INPP4B: variants seen among roughly 807,000 people sequenced by gnomAD.
The protein encoded by INPP4B is inositol polyphosphate-4-phosphatase type II B.
A neutral mutation model predicts 122.5 loss-of-function variants in INPP4B; 55 were observed. That is an observed-to-expected ratio of 0.45 (90% CI 0.36 to 0.56). The LOEUF (loss-of-function observed/expected upper bound fraction) is 0.56. INPP4B is among the 20% of genes least tolerant of loss of function. The pLI is 0.00. For missense variants in INPP4B, 1,000 were observed against 1,097.7 expected (o/e 0.91, Z 1.26); for synonymous variants, 403 against 388.7 (o/e 1.04, Z -0.43).
At chr4:142,545,836 TAA>T (rs1580337287) in intron 2 of INPP4B, among the ~76,000 whole-genome samples, 4 of 144,104 alleles carry the variant, frequency 2.8e-5, no homozygotes, top group East Asian at 2.0e-4. Flanking sequence ...TATATATATA[TAA>T]AATGGTCTGT....
chr4:142,799,966 G>T (rs1777797886), intron 1 of INPP4B, among the ~76,000 whole-genome samples: 1 of 151,734 alleles, frequency 6.6e-6, no homozygotes, highest in South Asian at 2.1e-4. Context: ...GCCTCTTTTG[G>T]ATTATTTTCA....
chr4:142,127,282 GACC>G (rs1373437882), intron 18 of INPP4B, among the ~76,000 whole-genome samples: 1 of 151,990 alleles, frequency 6.6e-6, no homozygotes, highest in African/African-American at 2.4e-5. Flanking sequence ...TAACTTAAGT[GACC>G]ACATTTGTTT....
intron 1 of INPP4B, among the ~76,000 whole-genome samples, chr4:142,824,117 A>G (rs1405455736): frequency 6.6e-6 from 1 of 151,668 alleles, no homozygotes; most frequent in Admixed American, 6.6e-5. Flanking sequence ...TCTGGGACTT[A>G]AACCATGGCC....
intron 7 of INPP4B, among the ~76,000 whole-genome samples, chr4:142,325,067 G>C (rs920005197): frequency 6.6e-6 from 1 of 152,140 alleles, no homozygotes; most frequent in Non-Finnish European, 1.5e-5. Flanking sequence ...CCTTGCTCTG[G>C]AAATTTGGTC....
At chr4:142,448,705 C>T (rs1054870901) in intron 3 of INPP4B, among the ~76,000 whole-genome samples, 21 of 152,132 alleles carry the variant, frequency 1.4e-4, no homozygotes, top group Admixed American at 7.2e-4. Flanking sequence ...ACTTTGAAGG[C>T]TACCATCATT....
At chr4:142,478,203 A>C (rs1417863613) in intron 2 of INPP4B, among the ~76,000 whole-genome samples, 2 of 152,202 alleles carry the variant, frequency 1.3e-5, no homozygotes, top group Non-Finnish European at 2.9e-5. Context: ...TTTTCGGTAT[A>C]GATGTATAAA....
At chr4:142,341,107 A>C (rs2151691490) in intron 7 of INPP4B, among the ~76,000 whole-genome samples, 1 of 152,320 alleles carries the variant, frequency 6.6e-6, no homozygotes, top group South Asian at 2.1e-4. Context: ...GTGAATATAA[A>C]AATATGCTTA....
At chr4:142,606,412 A>T (rs1421406282) in intron 2 of INPP4B, among the ~76,000 whole-genome samples, 1 of 151,934 alleles carries the variant, frequency 6.6e-6, no homozygotes, top group Non-Finnish European at 1.5e-5. Flanking sequence ...CGATACCAAC[A>T]TAAAAAAATA....
chr4:142,177,140 G>T (rs958676948), intron 15 of INPP4B, among the ~76,000 whole-genome samples: 1 of 151,970 alleles, frequency 6.6e-6, no homozygotes, highest in Non-Finnish European at 1.5e-5. Flanking sequence ...AGCAGGCATC[G>T]GTTGTTCTGA....
rs192517538 is a variant in INPP4B, at chr4:142,411,818, G to A, written c.137-6494C>T. Among the ~76,000 whole-genome samples, 26 of 152,228 alleles carry A rather than the reference G, an allele frequency of 1.7e-4. No individual in the cohort carries two copies. The East Asian group carries it at 4.8e-3, about 28-fold the overall frequency. On this transcript the variant is annotated intron_variant, in intron 5 of 25. Transcript: ENST00000262992. ...GAGGCACGAGGATCACTTGAACCAG[G>A]GAGGCAGAGATTGCAGTGAGCTGAG...
rs762409376 is a variant in INPP4B, at chr4:142,173,698, CAGT to C, written c.1290_1292del (p.Leu432del). On this transcript the variant is annotated inframe_deletion, in exon 16 of 26. Transcript: ENST00000262992. The stretch of plus-strand genomic sequence containing the variant: ...GAGAATGCTGGCTTGCAGAATTAAG[CAGT>C]AGGTCTGCATGGGTTGCTATAAGAG... 6.2e-7 allele frequency: 1 copy of C among 1,613,158 alleles called. No homozygotes were observed. Among genetic ancestry groups the C allele is most frequent in the South Asian group, 1.1e-5 (1 of 91,038 alleles).
intron 2 of INPP4B, among the ~76,000 whole-genome samples, chr4:142,592,651 T>C (rs1443964809): frequency 6.6e-6 from 1 of 152,208 alleles, no homozygotes; most frequent in Non-Finnish European, 1.5e-5. Context: ...AAATATTGTA[T>C]GAGAGATTTG....
intron 14 of INPP4B, among the ~76,000 whole-genome samples, chr4:142,205,770 T>C (rs1054042468): frequency 5.3e-5 from 8 of 152,142 alleles, no homozygotes; most frequent in African/African-American, 1.9e-4. Flanking sequence ...TAAAAGGCTT[T>C]TCATTTTGCC....
chr4:142,112,926 G>A (rs751426027), intron 21 of INPP4B, among the ~76,000 whole-genome samples: 6 of 151,980 alleles, frequency 3.9e-5, no homozygotes, highest in Non-Finnish European at 7.4e-5. Context: ...AAAAATGTTC[G>A]GTTCATTTTT....
intron 7 of INPP4B, among the ~76,000 whole-genome samples, chr4:142,342,999 C>T (rs1038275715): frequency 6.6e-6 from 1 of 151,980 alleles, no homozygotes; most frequent in Non-Finnish European, 1.5e-5. Flanking sequence ...TGGATAGAAA[C>T]CCTGTTATTA....
At chr4:142,136,889 A>T (rs1170877192) in intron 18 of INPP4B, among the ~76,000 whole-genome samples, 1 of 152,342 alleles carries the variant, frequency 6.6e-6, no homozygotes, top group East Asian at 1.9e-4. Flanking sequence ...ATCATCCCTT[A>T]CAAAGAAATG....
intron 24 of INPP4B, 41 bp from the exon 25 acceptor site, chr4:142,082,226 A>G (rs1189135755): frequency 6.8e-7 from 1 of 1,464,680 alleles, no homozygotes; most frequent in Non-Finnish European, 9.2e-7. Flanking sequence ...GTTCATTTGT[A>G]ATACCGTAAA....
intron 3 of INPP4B, among the ~76,000 whole-genome samples, chr4:142,454,547 A>T (rs1814983555): frequency 6.6e-6 from 1 of 152,006 alleles, no homozygotes; most frequent in Non-Finnish European, 1.5e-5. Flanking sequence ...TCCTGTATTC[A>T]TTAACACTAT....
intron 4 of INPP4B, among the ~76,000 whole-genome samples, chr4:142,430,176 T>C (rs973869793): frequency 6.6e-6 from 1 of 152,130 alleles, no homozygotes; most frequent in Non-Finnish European, 1.5e-5. Flanking sequence ...AACTGCTTTT[T>C]ATTCACAGTT....
Sources: allele counts gnomAD v4.1 joint callset (sites outside exome capture counted in the v4.1 genomes callset), GRCh38; gene constraint gnomAD v4.1.1; transcripts MANE v1.5; gene names NCBI Gene and HGNC (gene_info 2026-07-23, HGNC 2026-07-21).